ZFHX3: variants seen among roughly 807,000 people sequenced by gnomAD.
The protein encoded by ZFHX3 is zinc finger homeobox protein 3.
ZFHX3 carries 42 observed loss-of-function variants against 279.1 expected under a neutral mutation model. That is an observed-to-expected ratio of 0.15 (90% CI 0.12 to 0.19). The LOEUF (loss-of-function observed/expected upper bound fraction) is 0.19, where lower values mean the gene tolerates loss of function less well. Among genes scored for constraint, ZFHX3 ranks in the 10% least tolerant of loss-of-function variants. The pLI is 1.00. For synonymous variants in ZFHX3, 2,293 were observed against 1,957.8 expected (o/e 1.17, Z -4.52); for missense variants, 4,981 against 4,754.0 (o/e 1.05, Z -1.40).
chr16:73,092,109 C>G (rs1032334556), intron 8 of ZFHX3, among the ~76,000 whole-genome samples: 5 of 152,118 alleles, frequency 3.3e-5, no homozygotes, highest in Non-Finnish European at 7.3e-5. Context: ...CACTAATGCC[C>G]AGCTAAAAAG....
intron 2 of ZFHX3, among the ~76,000 whole-genome samples, chr16:73,526,374 A>G (rs1041366537): frequency 6.6e-6 from 1 of 152,236 alleles, no homozygotes; most frequent in African/African-American, 2.4e-5. Flanking sequence ...GTTACAGAGA[A>G]AGGAGGGGCC....
At chr16:73,232,089 G>A (rs192824808) in intron 5 of ZFHX3, 8 of 152,296 alleles carry the variant, frequency 5.3e-5, no homozygotes, top group African/African-American at 1.4e-4. Context: ...AGCAGCTGTA[G>A]AGAAATGAGA....
chr16:73,763,844 T>C (rs1455284644), intron 1 of ZFHX3, among the ~76,000 whole-genome samples: 4 of 150,356 alleles, frequency 2.7e-5, no homozygotes, highest in Non-Finnish European at 5.9e-5. Flanking sequence ...TCCCTCTCCC[T>C]TGCTGGCTTC....
intron 5 of ZFHX3, among the ~76,000 whole-genome samples, chr16:73,166,870 G>A (rs1967385908): frequency 1.3e-5 from 2 of 152,164 alleles, no homozygotes; most frequent in South Asian, 4.1e-4. Context: ...GGAAAATCTT[G>A]ATGAGATAAA....
chr16:73,732,991 A>G (rs1396112226), intron 1 of ZFHX3, among the ~76,000 whole-genome samples: 1 of 152,236 alleles, frequency 6.6e-6, no homozygotes, highest in Non-Finnish European at 1.5e-5. Context: ...CCTTTAGTGT[A>G]TGGTGAAGAT....
intron 1 of ZFHX3, among the ~76,000 whole-genome samples, chr16:73,029,705 G>A (rs74030213): frequency 6.1e-4 from 93 of 152,308 alleles, no homozygotes; most frequent in African/African-American, 2.1e-3. Flanking sequence ...TCCCAGCAGG[G>A]AACTCGATCA....
intron 1 of ZFHX3, among the ~76,000 whole-genome samples, chr16:73,842,203 C>T (rs1483962998): frequency 1.3e-4 from 19 of 150,594 alleles, no homozygotes; most frequent in Admixed American, 3.3e-4. Context: ...GCAACAAGAG[C>T]GAAACTCCAT....
chr16:73,881,778 C>G (rs966214272), intron 1 of ZFHX3, among the ~76,000 whole-genome samples: 6 of 151,860 alleles, frequency 4.0e-5, no homozygotes, highest in African/African-American at 1.5e-4. Context: ...AAGAAGCTGG[C>G]TATTATCTGT....
rs1317230406 is a variant in ZFHX3 at position 73,686,540 on chromosome 16, T to C, written c.-1607-6300A>G. The stretch of plus-strand genomic sequence containing the variant: ...CGGGAATTCTTGCATGTTCTCTGAA[T>C]GTTAAGGAAACTCATGCTCAGAGAA... On this transcript the variant is annotated intron_variant, in intron 1 of 17. Transcript: ENST00000641206. Among the ~76,000 whole-genome samples the C allele has an allele frequency of 2.0e-5, 3 of 152,238 alleles. No individual in the cohort carries two copies. The East Asian group carries it at 5.8e-4, about 29-fold the overall frequency.
intron 5 of ZFHX3, among the ~76,000 whole-genome samples, chr16:72,820,735 G>A (rs1567532913): frequency 6.6e-6 from 1 of 152,204 alleles, no homozygotes; most frequent in Non-Finnish European, 1.5e-5. Context: ...ACACTAGGGG[G>A]TCTGCACTTA....
intron 7 of ZFHX3, among the ~76,000 whole-genome samples, chr16:73,112,415 A>T (rs530578988): frequency 7.2e-5 from 11 of 152,216 alleles, no homozygotes; most frequent in South Asian, 2.1e-4. Flanking sequence ...GGAAGGATTT[A>T]AAAAAATTTT....
intron 3 of ZFHX3, among the ~76,000 whole-genome samples, chr16:73,428,225 A>AC (rs1382349196): frequency 1.1e-4 from 16 of 151,932 alleles, no homozygotes; most frequent in Admixed American, 9.8e-4. Context: ...TTCCCCAGTG[A>AC]CCCCAGGGTC....
chr16:73,540,798 T>G (rs2143748695), intron 2 of ZFHX3, among the ~76,000 whole-genome samples: 1 of 152,256 alleles, frequency 6.6e-6, no homozygotes, highest in South Asian at 2.1e-4. Context: ...CCAGAGTCAC[T>G]CTCACGCAAA....
At chr16:73,483,642 T>C (rs946929354) in intron 2 of ZFHX3, among the ~76,000 whole-genome samples, 6 of 151,946 alleles carry the variant, frequency 3.9e-5, no homozygotes, top group African/African-American at 9.7e-5. Flanking sequence ...TAATGACCCA[T>C]AATTGCCATG....
intron 4 of ZFHX3, among the ~76,000 whole-genome samples, chr16:73,305,392 C>A (rs1466291215): frequency 6.6e-6 from 1 of 152,034 alleles, no homozygotes; most frequent in Non-Finnish European, 1.5e-5. Context: ...TGGTAAGATA[C>A]CGGGCAATCA....
In ZFHX3 at chr16:72,882,982, GTGTGTGTGTGTGTGTGT is replaced by G. The variant is rs1567563255; in HGVS notation, c.3448+6732_3448+6748del. 3.4e-3 allele frequency among the ~76,000 whole-genome samples: 70 copies of G among 20,814 alleles called. 1 individual carries two copies. Among genetic ancestry groups the G allele is most frequent in the African/African-American group, 4.5e-3 (32 of 7,112 alleles). 13.7% of individuals were successfully genotyped at this position (20,814 alleles called of 152,430 possible). A position where few individuals can be genotyped will look rare whatever the true frequency, so the allele number is the denominator to read the frequency against. On this transcript the variant is annotated intron_variant, in intron 4 of 9. Coordinates refer to ENST00000268489, the MANE Select transcript of ZFHX3 (RefSeq NM_006885.4). ...TGGCCTTCACACCACTCTGGGGTGT[GTGTGTGTGTGTGTGTGT>G]GTGTGTGTGTGTGTGTGTGTGTGTG...
At chr16:73,197,941 T>G (rs931741522) in intron 5 of ZFHX3, among the ~76,000 whole-genome samples, 1 of 134,972 alleles carries the variant, frequency 7.4e-6, no homozygotes, top group Admixed American at 7.5e-5. Flanking sequence ...TTTTTTTTTT[T>G]TTTTTTTTTT....
chr16:73,852,293 G>A (rs1961611919), intron 1 of ZFHX3, among the ~76,000 whole-genome samples: 1 of 152,180 alleles, frequency 6.6e-6, no homozygotes, highest in African/African-American at 2.4e-5. Context: ...CTCATTTGCA[G>A]ATGGCCTGTT....
intron 4 of ZFHX3, among the ~76,000 whole-genome samples, chr16:72,839,702 A>G (rs571871413): frequency 6.6e-6 from 1 of 152,196 alleles, no homozygotes; most frequent in East Asian, 1.9e-4. Flanking sequence ...ATCAGAATTA[A>G]CCATTTTGTG....
Sources: allele counts gnomAD v4.1 joint callset (sites outside exome capture counted in the v4.1 genomes callset), GRCh38; gene constraint gnomAD v4.1.1; transcripts MANE v1.5; gene names NCBI Gene and HGNC (gene_info 2026-07-23, HGNC 2026-07-21).